SOD2: variants seen among roughly 807,000 people sequenced by gnomAD.
SOD2 encodes superoxide dismutase [Mn], mitochondrial.
SOD2 carries 11 observed loss-of-function variants against 27.0 expected under a neutral mutation model. That is an observed-to-expected ratio of 0.41 (90% CI 0.26 to 0.67). The LOEUF (loss-of-function observed/expected upper bound fraction) is 0.67, where lower values mean the gene tolerates loss of function less well. Ranked by LOEUF, SOD2 falls within the 30% of genes least tolerant of loss-of-function variation. The pLI is 0.34. For missense variants in SOD2, 250 were observed against 274.5 expected (o/e 0.91, Z 0.63); for synonymous variants, 105 against 103.0 (o/e 1.02, Z -0.12).
rs1004206508 is a variant in SOD2, at chr6:159,727,151, C to T, written c.-138G>A. On this transcript the variant is annotated 5_prime_UTR_variant, in exon 1 of 3. Coordinates refer to the SOD2 transcript ENST00000401980. ...TACTGAGCTTGCTGAGCTCCGGGGC[C>T]CGCGGAGCTCGCGCCAGGCTCCTGG... The T allele has an allele frequency of 5.2e-5, 62 of 1,195,194 alleles. No homozygotes were observed. In the African/African-American group the frequency reaches 5.9e-4, roughly 11 times the overall value. The allele number at this position is 1,195,194 out of a possible 1,614,324, so 74.0% of individuals were successfully genotyped here.
chr6:159,744,370 T>G (rs965280529), intron 1 of SOD2, among the ~76,000 whole-genome samples: 2 of 152,226 alleles, frequency 1.3e-5, no homozygotes, highest in African/African-American at 4.8e-5. Context: ...TAGAGGCAGC[T>G]GTATCCTTGT....
In SOD2 at chr6:159,698,571, CAAA is replaced by C. The variant is rs66652436; in HGVS notation, c.-115-5711_-115-5709del. On this transcript the variant is annotated intron_variant, in intron 1 of 2. Coordinates refer to the SOD2 transcript ENST00000401980. ...TGGGTAACAGAGTGAGACCTTGTCT[CAAA>C]AAAAAAAAAAAAAAAAAAAAAAATC... 4.3e-3 allele frequency among the ~76,000 whole-genome samples: 411 copies of C among 95,608 alleles called. 2 individuals carry two copies. Among genetic ancestry groups the C allele is most frequent in the African/African-American group, 0.015 (336 of 21,854 alleles). 62.7% of individuals were successfully genotyped at this position (95,608 alleles called of 152,430 possible).
At chr6:159,756,098 A>C (rs1227011729) in intron 1 of SOD2, 1 of 153,020 alleles carries the variant, frequency 6.5e-6, no homozygotes, top group African/African-American at 2.4e-5. Flanking sequence ...TAAAAGTTGG[A>C]CTCATTGATG....
upstream of SOD2, chr6:159,693,334 C>G (rs5746091): frequency 3.0e-5 from 9 of 296,574 alleles, no homozygotes; most frequent in Admixed American, 1.7e-4. Context: ...CCCCGCCCCC[C>G]CCCCCCGCGG....
chr6:159,713,157 ACC>A, intron 1 of SOD2: 6 of 1,252,360 alleles, frequency 4.8e-6, no homozygotes, highest in Non-Finnish European at 6.6e-6. Flanking sequence ...TGGAAACTGG[ACC>A]CACTATCTCC....
chr6:159,709,563 T>C (rs1469683690), intron 1 of SOD2, among the ~76,000 whole-genome samples: 5 of 152,140 alleles, frequency 3.3e-5, no homozygotes, highest in Admixed American at 2.0e-4. Flanking sequence ...AAAAGCACAA[T>C]GAGATATCAT....
upstream of SOD2, among the ~76,000 whole-genome samples, chr6:159,731,440 C>T (rs1778563966): frequency 6.6e-6 from 1 of 152,070 alleles, no homozygotes; most frequent in Admixed American, 6.5e-5. Context: ...TGCACTCCAG[C>T]CTGGGCGACA....
chr6:159,694,761 A>ATTT (rs34851405), upstream of SOD2, among the ~76,000 whole-genome samples: 2,153 of 140,526 alleles, frequency 0.015, 73 homozygotes, highest in African/African-American at 0.053. Context: ...ACGCCCCACT[A>ATTT]TTTTTTTTTT....
chr6:159,742,354 A>G (rs1408317234), intron 1 of SOD2, among the ~76,000 whole-genome samples: 1 of 152,206 alleles, frequency 6.6e-6, no homozygotes, highest in Non-Finnish European at 1.5e-5. Context: ...TGTAATAGTC[A>G]TGTAATGGCA....
chr6:159,717,199 C>G (rs945540444), intron 1 of SOD2, among the ~76,000 whole-genome samples: 6 of 152,146 alleles, frequency 3.9e-5, no homozygotes, highest in African/African-American at 9.7e-5. Context: ...CCTCTGTTAC[C>G]TCTGTTGACC....
Position 159,682,343 on chromosome 6 carries a change from T to C in SOD2, c.*150A>G. On this transcript the variant is annotated 3_prime_UTR_variant, in exon 5 of 5. Transcript: ENST00000538183. The stretch of plus-strand genomic sequence containing the variant: ...CAATAACAAAATGTTTAGTAAGAAA[T>C]TATTCAGAACATTAAGTTGTTTATG... The C allele has an allele frequency of 1.8e-6, 1 of 546,284 alleles. No homozygotes were observed. The highest frequency in any genetic ancestry group is 2.9e-6 in the Non-Finnish European group (1 of 342,388). The allele number at this position is 546,284 out of a possible 1,614,324, so 33.8% of individuals were successfully genotyped here. A position where few individuals can be genotyped will look rare whatever the true frequency, so the allele number is the denominator to read the frequency against.
At chr6:159,729,249 TTA>T (rs1778417152), upstream of SOD2, among the ~76,000 whole-genome samples, 2 of 152,222 alleles carry the variant, frequency 1.3e-5, no homozygotes, top group African/African-American at 2.4e-5. Flanking sequence ...AAATTGTACG[TTA>T]GTTAGTAGGT....
chr6:159,710,530 C>T (rs543635262), intron 1 of SOD2, among the ~76,000 whole-genome samples: 5 of 152,214 alleles, frequency 3.3e-5, no homozygotes, highest in South Asian at 2.1e-4. Flanking sequence ...ACCCATTATA[C>T]GGGATATACT....
upstream of SOD2, among the ~76,000 whole-genome samples, chr6:159,731,410 G>C (rs149422885): frequency 2.4e-3 from 370 of 152,304 alleles, 2 homozygotes; most frequent in African/African-American, 8.3e-3. Context: ...GGAGGCTGCA[G>C]TGAGCTGTGA....
At chr6:159,719,731 CT>C (rs371158323) in intron 1 of SOD2, among the ~76,000 whole-genome samples, 15 of 141,300 alleles carry the variant, frequency 1.1e-4, no homozygotes, top group African/African-American at 1.0e-4. Flanking sequence ...CTTTTATTTT[CT>C]TTTTTTTTTT....
chr6:159,720,088 T>A (rs1273549589), intron 1 of SOD2, among the ~76,000 whole-genome samples: 2 of 150,700 alleles, frequency 1.3e-5, no homozygotes, highest in Non-Finnish European at 3.0e-5. Flanking sequence ...TGGAGTGCAG[T>A]GGCACGATCT....
exon 1 of SOD2, chr6:159,761,353 A>G (rs1365549145): frequency 3.2e-6 from 1 of 316,594 alleles, no homozygotes; most frequent in African/African-American, 2.2e-5. Flanking sequence ...CACTTGTTAC[A>G]TGCTCCTTTC....
rs1020101256 is a variant in SOD2 at position 159,675,980 on chromosome 6, C to G, written c.*6513G>C. 1 of 152,286 alleles carries G rather than the reference C, an allele frequency of 6.6e-6. No homozygotes were observed. The highest frequency in any genetic ancestry group is 2.4e-5 in the African/African-American group (1 of 41,554). The allele number at this position is 152,286 out of a possible 1,614,324, so 9.4% of individuals were successfully genotyped here. A position where few individuals can be genotyped will look rare whatever the true frequency, so the allele number is the denominator to read the frequency against. ...CAAAAGAAGACATCCATGCATCCAA[C>G]AGACACATGAAAAAAATGCTCATCA... On this transcript the variant is annotated 3_prime_UTR_variant, in exon 5 of 5. Transcript: ENST00000538183.
intron 1 of SOD2, among the ~76,000 whole-genome samples, chr6:159,704,864 G>T (rs960070188): frequency 6.6e-6 from 1 of 152,190 alleles, no homozygotes; most frequent in African/African-American, 2.4e-5. Context: ...GCCTAACTGG[G>T]AGGCACCCCC....
Sources: allele counts gnomAD v4.1 joint callset (sites outside exome capture counted in the v4.1 genomes callset), GRCh38; gene constraint gnomAD v4.1.1; transcripts MANE v1.5; gene names NCBI Gene and HGNC (gene_info 2026-07-23, HGNC 2026-07-21).